SCP2: variants seen among roughly 807,000 people sequenced by gnomAD.
SCP2 encodes sterol carrier protein 2, also known as SCP-2/3-oxoacyl-CoA thiolase.
Under a neutral mutation model 71.4 loss-of-function variants are expected in SCP2, and 48 were observed. That is an observed-to-expected ratio of 0.67 (90% confidence interval 0.53 to 0.86). SCP2 has a LOEUF of 0.86. Among genes scored for constraint, SCP2 ranks in the 40% least tolerant of loss-of-function variants. The probability of loss-of-function intolerance (pLI) is 0.00; values close to 1 mark genes in which losing one functional copy is unlikely to be tolerated. For synonymous variants in SCP2, 220 were observed against 218.1 expected, an observed-to-expected ratio of 1.01 and a Z score of -0.08; for missense variants, 560 against 655.6, an observed-to-expected ratio of 0.85 and a Z score of 1.59.
intron 11 of SCP2, among the ~76,000 whole-genome samples, chr1:53,002,186 C>CAAA (rs57702073): frequency 1.3e-5 from 1 of 76,108 alleles, no homozygotes; most frequent in Non-Finnish European, 2.9e-5. Context: ...GACTCCGTCT[C>CAAA]AAAAAAAAAA....
chr1:52,961,817 T>C (rs1656485942), intron 6 of SCP2, among the ~76,000 whole-genome samples, 188 bp downstream of exon 6: 1 of 151,840 alleles, frequency 6.6e-6, no homozygotes, highest in Non-Finnish European at 1.5e-5. Context: ...ATATAGACTA[T>C]GGTATGGGAA....
At chr1:53,027,079 C>T (rs1662186665) in intron 12 of SCP2, among the ~76,000 whole-genome samples, 2 of 151,890 alleles carry the variant, frequency 1.3e-5, no homozygotes, top group Admixed American at 1.3e-4. Flanking sequence ...GCTAGGACTA[C>T]AGACACATGC....
chr1:53,017,916 A>G (rs1467520228), intron 12 of SCP2, among the ~76,000 whole-genome samples: 2 of 152,176 alleles, frequency 1.3e-5, no homozygotes, highest in Non-Finnish European at 2.9e-5. Context: ...GTGCAATGGC[A>G]CAATCTCGGC....
rs1397342372 is a variant in SCP2, at chr1:53,015,119, A to C, written c.1235+76A>C. 37 of 1,401,844 alleles carry C rather than the reference A, an allele frequency of 2.6e-5. No individual in the cohort carries two copies. In the East Asian group the frequency reaches 8.2e-4, roughly 31 times the overall value. 86.8% of individuals were successfully genotyped at this position (1,401,844 alleles called of 1,614,324 possible). A position where few individuals can be genotyped will look rare whatever the true frequency, so the allele number is the denominator to read the frequency against. ...CAGTTGATGATGTTTTACATGTAAA[A>C]ATTTCTTATTTTATTGTCTTAGTAT... On this transcript the variant is annotated intron_variant, in intron 12 of 15. Transcript: ENST00000371514.
chr1:53,029,486 CA>C (rs1377928300), intron 13 of SCP2, among the ~76,000 whole-genome samples: 16 of 152,144 alleles, frequency 1.1e-4, no homozygotes, highest in Non-Finnish European at 1.9e-4. Context: ...GCCATAATCA[CA>C]ATGCAAATTA....
intron 7 of SCP2, among the ~76,000 whole-genome samples, chr1:52,975,467 C>T (rs1341888964): frequency 1.3e-5 from 2 of 152,018 alleles, no homozygotes; most frequent in African/African-American, 2.4e-5. Flanking sequence ...TGTGAGCCAC[C>T]GCACCCAGCC....
In SCP2 at chr1:52,950,876, G is replaced by A; in HGVS notation, c.321G>A (p.Leu107=). 1 of 1,613,990 alleles carries A rather than the reference G, an allele frequency of 6.2e-7. No homozygotes were observed. The highest frequency in any genetic ancestry group is 8.5e-7 in the Non-Finnish European group (1 of 1,179,912). The change falls in exon 4 of 16, where the codon CTG becomes CTA. Residue 107 remains leucine (L), a synonymous_variant. Transcript: ENST00000371514. ...CTGCTTTGTTTATGGCCCGCCAGCT[G>A]ATTCAGGGTGGTAAGGAGTGCTTGT... ...GSTALFMARQ[L]IQGGVAECVL...
chr1:52,939,075 C>T (rs1235544797), intron 1 of SCP2, among the ~76,000 whole-genome samples: 1 of 152,206 alleles, frequency 6.6e-6, no homozygotes, highest in Non-Finnish European at 1.5e-5. Flanking sequence ...TGTCTTCTTT[C>T]ACTTAATATG....
intron 11 of SCP2, among the ~76,000 whole-genome samples, chr1:53,010,972 C>G (rs1385664714): frequency 6.6e-6 from 1 of 152,148 alleles, no homozygotes; most frequent in Non-Finnish European, 1.5e-5. Flanking sequence ...AAATAAACAG[C>G]CTTGTTGCTC....
chr1:53,025,640 A>G (rs1295321697), intron 12 of SCP2, among the ~76,000 whole-genome samples: 2 of 151,592 alleles, frequency 1.3e-5, no homozygotes, highest in Admixed American at 6.6e-5. Context: ...TGTGGATTCT[A>G]TTTCTATTTT....
rs371285649 is a variant in SCP2, at chr1:53,050,596, T to C, written c.1549-13T>C. On this transcript the variant is annotated splice_polypyrimidine_tract_variant and intron_variant, in intron 15 of 15. Transcript: ENST00000371514. ...AAAAACACCAAGTAATGAATTTTCT[T>C]TCTTCTTCACAGGCCTTCTTTCAAG... is the stretch of plus-strand genomic sequence containing the variant. 162 of 1,584,748 alleles carry C rather than the reference T, an allele frequency of 1.0e-4. 1 individual carries two copies. The highest frequency in any genetic ancestry group is 1.3e-4 in the Non-Finnish European group (147 of 1,153,570).
chr1:53,005,343 C>T (rs996525808), intron 11 of SCP2, among the ~76,000 whole-genome samples: 23 of 152,312 alleles, frequency 1.5e-4, no homozygotes, highest in African/African-American at 2.2e-4. Flanking sequence ...CCCTGACCCC[C>T]GAGTAGCCTA....
At chr1:52,971,822 A>C (rs988739356) in intron 6 of SCP2, among the ~76,000 whole-genome samples, 3 of 152,208 alleles carry the variant, frequency 2.0e-5, no homozygotes. Flanking sequence ...AAGATAGGTC[A>C]GATAGTTTGT....
chr1:53,020,897 C>T (rs1280394306), intron 12 of SCP2, among the ~76,000 whole-genome samples: 3 of 152,090 alleles, frequency 2.0e-5, no homozygotes, highest in African/African-American at 7.2e-5. Context: ...GCGTACTGTA[C>T]GACCGTCTCC....
chr1:52,988,688 C>CTTTTTTTTTTTTTTTTTTTTT (rs71744669), intron 11 of SCP2, among the ~76,000 whole-genome samples: 1 of 133,422 alleles, frequency 7.5e-6, no homozygotes, highest in Non-Finnish European at 1.6e-5. Context: ...TCTTTCTTTT[C>CTTTTTTTTTTTTTTTTTTTTT]TTTTTTTTTT....
At chr1:53,033,937 A>G (rs1427890347) in intron 13 of SCP2, among the ~76,000 whole-genome samples, 1 of 152,228 alleles carries the variant, frequency 6.6e-6, no homozygotes, top group Non-Finnish European at 1.5e-5. Flanking sequence ...AACATGTTAC[A>G]TCCATACAAT....
At chr1:53,039,419 A>C (rs778884742) in intron 14 of SCP2, among the ~76,000 whole-genome samples, 2 of 152,194 alleles carry the variant, frequency 1.3e-5, no homozygotes, top group Non-Finnish European at 1.5e-5. Flanking sequence ...ATTCTTTCTT[A>C]ATTAACCGTA....
intron 12 of SCP2, among the ~76,000 whole-genome samples, chr1:53,024,522 T>G (rs1432613226): frequency 6.6e-6 from 1 of 151,948 alleles, no homozygotes; most frequent in Non-Finnish European, 1.5e-5. Context: ...GTTATAGGAC[T>G]CTCATATGCC....
rs1283228602 is a variant in SCP2 at position 52,953,126 on chromosome 1, A to G, written c.332-1614A>G. 2.1e-5 allele frequency among the ~76,000 whole-genome samples: 3 copies of G among 143,438 alleles called. No individual in the cohort carries two copies. The East Asian group carries it at 6.1e-4, about 29-fold the overall frequency. 94.1% of individuals were successfully genotyped at this position (143,438 alleles called of 152,430 possible). ...TTTGGCTCTTCAGTTGAACTTTAAC[A>G]TCATTTTTAGGGGCCCCCCTCTCTC... On this transcript the variant is annotated intron_variant, in intron 4 of 15. Coordinates refer to ENST00000371514, the MANE Select transcript of SCP2 (RefSeq NM_002979.5).
Sources: allele counts gnomAD v4.1 joint callset (sites outside exome capture counted in the v4.1 genomes callset), GRCh38; gene constraint gnomAD v4.1.1; transcripts MANE v1.5; gene names NCBI Gene and HGNC (gene_info 2026-07-23, HGNC 2026-07-21).